CCDC178: variants seen among roughly 807,000 people sequenced by gnomAD.
CCDC178 encodes the protein coiled-coil domain containing 178.
Under a neutral mutation model 117.4 loss-of-function variants are expected in CCDC178, and 126 were observed. The observed-to-expected ratio is 1.07, with a 90% CI of 0.93 to 1.24. CCDC178 has a LOEUF of 1.24. CCDC178 is among the 50% of genes most tolerant of loss of function. The pLI is 0.00. For synonymous variants in CCDC178, 283 were observed against 313.4 expected, an observed-to-expected ratio of 0.90 and a Z score of 1.02; for missense variants, 1,030 against 986.9, an observed-to-expected ratio of 1.04 and a Z score of -0.59.
intron 4 of CCDC178, among the ~76,000 whole-genome samples, chr18:33,395,413 G>A (rs1483909133): frequency 6.6e-6 from 1 of 151,830 alleles, no homozygotes; most frequent in Non-Finnish European, 1.5e-5. Flanking sequence ...TATAGCCTCG[G>A]AGCAAAGGTT....
chr18:33,418,558 C>T (rs1313101078), intron 2 of CCDC178, among the ~76,000 whole-genome samples: 1 of 151,282 alleles, frequency 6.6e-6, no homozygotes, highest in East Asian at 1.9e-4. Context: ...TCCTTGTTTG[C>T]AGACAATACA....
intron 20 of CCDC178, among the ~76,000 whole-genome samples, chr18:33,111,389 C>T (rs1225787822): frequency 6.6e-6 from 1 of 151,482 alleles, no homozygotes; most frequent in African/African-American, 2.4e-5. Context: ...TTTCTGCTTC[C>T]AGTTTGCTGA....
intron 15 of CCDC178, among the ~76,000 whole-genome samples, chr18:33,241,597 G>T (rs987985482): frequency 2.0e-5 from 3 of 150,620 alleles, no homozygotes; most frequent in Admixed American, 6.6e-5. Flanking sequence ...AAAATAAGAT[G>T]GCCATCCTAC....
chr18:33,106,963 G>C (rs2057714669), intron 20 of CCDC178, among the ~76,000 whole-genome samples: 1 of 151,690 alleles, frequency 6.6e-6, no homozygotes, highest in Non-Finnish European at 1.5e-5. Flanking sequence ...CAAGAAAGCA[G>C]AGACGAACAA....
At chr18:32,980,753 C>T (rs913284628) in intron 21 of CCDC178, among the ~76,000 whole-genome samples, 2 of 151,988 alleles carry the variant, frequency 1.3e-5, no homozygotes, top group African/African-American at 4.8e-5. Flanking sequence ...AAAATTCAAA[C>T]TCATCATATT....
intron 14 of CCDC178, among the ~76,000 whole-genome samples, chr18:33,264,020 G>A (rs1021305662): frequency 1.3e-5 from 2 of 151,988 alleles, no homozygotes; most frequent in African/African-American, 4.8e-5. Context: ...ATTATTAGGT[G>A]CAGATTATAA....
At chr18:33,046,425 T>C (rs896353407) in intron 21 of CCDC178, among the ~76,000 whole-genome samples, 2 of 152,102 alleles carry the variant, frequency 1.3e-5, no homozygotes, top group African/African-American at 4.8e-5. Flanking sequence ...TTTGATGGCC[T>C]AGAGAGACAA....
chr18:33,391,401 T>TA (rs2063563784), intron 4 of CCDC178, among the ~76,000 whole-genome samples: 1 of 152,068 alleles, frequency 6.6e-6, no homozygotes, highest in Non-Finnish European at 1.5e-5. Context: ...CTGTGGCATA[T>TA]GAAGTTCAGA....
intron 12 of CCDC178, among the ~76,000 whole-genome samples, chr18:33,286,427 C>T (rs993530525): frequency 6.6e-6 from 1 of 152,164 alleles, no homozygotes; most frequent in Admixed American, 6.5e-5. Flanking sequence ...TAGAAAATCA[C>T]TCAGCTTCTC....
chr18:33,412,237 C>T, intron 2 of CCDC178, 127 bp from the exon 3 acceptor site: 1 of 422,222 alleles, frequency 2.4e-6, no homozygotes, highest in South Asian at 4.7e-5. Context: ...GGAAGTCCAA[C>T]AATGTACTCT....
chr18:33,204,189 G>C (rs1186475341), intron 20 of CCDC178, among the ~76,000 whole-genome samples: 1 of 151,934 alleles, frequency 6.6e-6, no homozygotes, highest in Non-Finnish European at 1.5e-5. Flanking sequence ...TAGAACAAAA[G>C]TTTCCCAAAC....
chr18:33,032,273 C>T (rs1395074165), intron 21 of CCDC178, among the ~76,000 whole-genome samples: 1 of 152,102 alleles, frequency 6.6e-6, no homozygotes, highest in African/African-American at 2.4e-5. Flanking sequence ...CTAGCATCTA[C>T]AGGCCACCCT....
intron 14 of CCDC178, among the ~76,000 whole-genome samples, chr18:33,253,616 T>C (rs988441139): frequency 2.0e-5 from 3 of 151,862 alleles, no homozygotes; most frequent in Admixed American, 6.6e-5. Flanking sequence ...ACAATGGATA[T>C]AGTCAAATGT....
rs754855117 is a variant in CCDC178, at chr18:33,092,839, G to A, written c.2310C>T (p.Phe770=). Reference sequence around the variant, plus strand: ...TGAAATAATTGTCCTTTTCTTTTAAGAATGTAATCTGTAGCTGTTGATACT... The same window carrying A: ...TGAAATAATTGTCCTTTTCTTTTAAAAATGTAATCTGTAGCTGTTGATACT... ...AQEYQQLQIT[F]LKEKDNYFNI... Residue 770 remains phenylalanine, a synonymous_variant, in exon 21 of 23, where the codon TTC becomes TTT. Transcript: ENST00000383096. 2 of 1,580,620 alleles carry A rather than the reference G, an allele frequency of 1.3e-6. No individual in the cohort carries two copies. Among genetic ancestry groups the A allele is most frequent in the South Asian group, 2.3e-5 (2 of 87,484 alleles).
chr18:33,051,058 G>A lies in CCDC178; in HGVS notation c.2388+41703C>T, dbSNP rs1260285817. ...CTCTCTAGTAGCTGGGATCACAGGC[G>A]TGCACCACCTCGCCCAGCTAATTTT... is the stretch of plus-strand genomic sequence containing the variant. On this transcript the variant is annotated intron_variant, in intron 21 of 22. Transcript: ENST00000383096. Among the ~76,000 whole-genome samples, 7 of 151,970 alleles carry A rather than the reference G, an allele frequency of 4.6e-5. No homozygotes were observed. The East Asian group carries it at 5.8e-4, about 13-fold the overall frequency.
intron 20 of CCDC178, among the ~76,000 whole-genome samples, chr18:33,196,827 G>A (rs271526): frequency 6.6e-6 from 1 of 151,962 alleles, no homozygotes; most frequent in Non-Finnish European, 1.5e-5. Flanking sequence ...CTGCTGAAAT[G>A]GGGAGTTTTT....
intron 22 of CCDC178, among the ~76,000 whole-genome samples, chr18:32,962,274 C>G (rs970782251): frequency 6.6e-6 from 1 of 151,894 alleles, no homozygotes; most frequent in African/African-American, 2.4e-5. Flanking sequence ...TATCTAAATT[C>G]AGTTGTCTTT....
chr18:33,293,268 G>T lies in CCDC178; in HGVS notation c.1067C>A (p.Ser356Ter). The change falls in exon 12 of 23, where the codon TCA becomes TAA. Residue 356 changes from serine (S) to a stop codon, truncating the protein, a stop_gained. Coordinates refer to ENST00000383096, the MANE Select transcript of CCDC178 (RefSeq NM_001105528.4). LOFTEE classifies it high-confidence loss of function. ...ATTAGTATTAACATTTATCACTGAT[G>T]AAGAGTAATGATCAAATAGACTGTT... Reference protein sequence around the residue: ...QLNSLFDHYSSSVINVNTNIE... With the variant: ...QLNSLFDHYS 1 of 1,544,754 alleles carries T rather than the reference G, an allele frequency of 6.5e-7. No homozygotes were observed. Among genetic ancestry groups the T allele is most frequent in the South Asian group, 1.1e-5 (1 of 87,216 alleles).
intron 21 of CCDC178, among the ~76,000 whole-genome samples, chr18:33,058,418 A>C (rs952552600): frequency 6.6e-6 from 1 of 152,228 alleles, no homozygotes; most frequent in African/African-American, 2.4e-5. Context: ...ACAACTCTGC[A>C]TCCTCAATGG....
Sources: allele counts gnomAD v4.1 joint callset (sites outside exome capture counted in the v4.1 genomes callset), GRCh38; gene constraint gnomAD v4.1.1; transcripts MANE v1.5; gene names NCBI Gene and HGNC (gene_info 2026-07-23, HGNC 2026-07-21).